Variants in SLC24A2 observed in about 807,000 individuals in gnomAD.
SLC24A2 encodes the protein sodium/potassium/calcium exchanger 2.
SLC24A2 carries 36 observed loss-of-function variants against 62.0 expected under a neutral mutation model. The ratio of observed to expected loss-of-function variants is 0.58; its 90% CI spans 0.44 to 0.77. SLC24A2 has a LOEUF of 0.77. Ranked by LOEUF, SLC24A2 falls within the 30% of genes least tolerant of loss-of-function variation. The pLI is 0.00. For synonymous variants in SLC24A2, 358 were observed against 294.0 expected (o/e 1.22, Z -2.23); for missense variants, 846 against 817.9 (o/e 1.03, Z -0.42).
At chr9:19,726,790 T>C (rs1017627668) in intron 2 of SLC24A2, among the ~76,000 whole-genome samples, 3 of 152,234 alleles carry the variant, frequency 2.0e-5, no homozygotes, top group African/African-American at 4.8e-5. Context: ...CCCTGTAGAA[T>C]TGATCTATCC....
intron 2 of SLC24A2, among the ~76,000 whole-genome samples, chr9:19,718,022 G>A (rs1820910219): frequency 6.7e-6 from 1 of 150,260 alleles, no homozygotes; most frequent in East Asian, 2.0e-4. Flanking sequence ...TGTCGCCCAG[G>A]CTGGAGTGCA....
chr9:19,944,542 G>C, the SLC24A2 span, among the ~76,000 whole-genome samples: 1 of 151,924 alleles, frequency 6.6e-6, no homozygotes, highest in Non-Finnish European at 1.5e-5. Flanking sequence ...ATATAGGTTT[G>C]AAAGAAATTT....
the SLC24A2 span, among the ~76,000 whole-genome samples, chr9:20,177,768 C>A: frequency 6.6e-6 from 1 of 152,116 alleles, no homozygotes; most frequent in Non-Finnish European, 1.5e-5. Flanking sequence ...TGAGAGTTGA[C>A]TATACCACAT....
At chr9:20,249,072 G>T in the SLC24A2 span, among the ~76,000 whole-genome samples, 4 of 152,176 alleles carry the variant, frequency 2.6e-5, no homozygotes, top group African/African-American at 4.8e-5. Context: ...TCTGGAATCA[G>T]CCTGCCTGCC....
chr9:19,956,049 A>T, the SLC24A2 span, among the ~76,000 whole-genome samples: 1 of 152,198 alleles, frequency 6.6e-6, no homozygotes, highest in African/African-American at 2.4e-5. Flanking sequence ...CACATTAAGA[A>T]CTGGCTGCAG....
chr9:19,980,662 A>G, the SLC24A2 span, among the ~76,000 whole-genome samples: 43 of 152,266 alleles, frequency 2.8e-4, no homozygotes, highest in East Asian at 3.7e-3. Context: ...TACTTAATTT[A>G]TGAAAATTAA....
At chr9:19,535,800 T>C (rs988810134) in intron 8 of SLC24A2, among the ~76,000 whole-genome samples, 2 of 152,190 alleles carry the variant, frequency 1.3e-5, no homozygotes, top group African/African-American at 4.8e-5. Flanking sequence ...CTTTGTTCTT[T>C]GCTTAGGATT....
upstream of SLC24A2, among the ~76,000 whole-genome samples, chr9:19,791,267 G>C (rs192505821): frequency 6.6e-6 from 1 of 152,076 alleles, no homozygotes; most frequent in Admixed American, 6.5e-5. Flanking sequence ...AAAGAGTGAA[G>C]GGTGAAAGGC....
At chr9:20,066,366 G>T in the SLC24A2 span, among the ~76,000 whole-genome samples, 2 of 152,134 alleles carry the variant, frequency 1.3e-5, no homozygotes, top group African/African-American at 4.8e-5. Context: ...GCAACAAATA[G>T]CTTTGAGGGA....
At chr9:19,684,757 T>G (rs896287648) in intron 2 of SLC24A2, among the ~76,000 whole-genome samples, 1 of 151,934 alleles carries the variant, frequency 6.6e-6, no homozygotes, top group African/African-American at 2.4e-5. Context: ...CATATCTGGT[T>G]CTTGGTTGGG....
the SLC24A2 span, among the ~76,000 whole-genome samples, chr9:20,228,969 A>C: frequency 6.6e-6 from 1 of 152,082 alleles, no homozygotes; most frequent in South Asian, 2.1e-4. Context: ...CCTGGCAATA[A>C]AGGCCTCTGG....
chr9:19,932,281 C>T, the SLC24A2 span, among the ~76,000 whole-genome samples: 1 of 152,118 alleles, frequency 6.6e-6, no homozygotes, highest in Non-Finnish European at 1.5e-5. Context: ...TGGGAAGGAT[C>T]GTTAAAATTC....
the SLC24A2 span, among the ~76,000 whole-genome samples, chr9:19,818,988 A>G: frequency 3.5e-3 from 534 of 152,248 alleles, 3 homozygotes; most frequent in African/African-American, 0.012. Context: ...TGGTGCTGGT[A>G]TCAAAATAGG....
At chr9:19,693,693 ATTTTGT>A (rs1373392362) in intron 2 of SLC24A2, among the ~76,000 whole-genome samples, 11 of 152,100 alleles carry the variant, frequency 7.2e-5, no homozygotes, top group African/African-American at 2.7e-4. Flanking sequence ...GGTCAGTTTC[ATTTTGT>A]TTTTAAGATG....
the SLC24A2 span, among the ~76,000 whole-genome samples, chr9:20,025,271 A>G: frequency 2.5e-3 from 378 of 152,290 alleles, 1 homozygote; most frequent in African/African-American, 8.5e-3. Flanking sequence ...AAGTATTCTA[A>G]TCACTCTGTA....
the SLC24A2 span, among the ~76,000 whole-genome samples, chr9:20,059,478 A>C: frequency 2.0e-5 from 3 of 152,202 alleles, no homozygotes; most frequent in Non-Finnish European, 4.4e-5. Context: ...GAATAAAACA[A>C]TTAGAAATCA....
At chr9:20,035,525 A>G in the SLC24A2 span, among the ~76,000 whole-genome samples, 2,272 of 152,248 alleles carry the variant, frequency 0.015, 25 homozygotes, top group Non-Finnish European at 0.026. Context: ...AGGCCAAGAA[A>G]GGAGGATTGC....
chr9:19,819,187 C>T, the SLC24A2 span, among the ~76,000 whole-genome samples: 1 of 152,104 alleles, frequency 6.6e-6, no homozygotes, highest in Non-Finnish European at 1.5e-5. Flanking sequence ...TCACCTTATA[C>T]AAAAACCAAC....
intron 2 of SLC24A2, among the ~76,000 whole-genome samples, chr9:19,681,517 T>C (rs2118395406): frequency 6.6e-6 from 1 of 152,238 alleles, no homozygotes; most frequent in African/African-American, 2.4e-5. Flanking sequence ...TCTCTTTTGT[T>C]CCCTGCTGTA....
Sources: gnomAD v4.1 joint callset for allele counts (sites outside exome capture counted in the v4.1 genomes callset) on GRCh38, gnomAD v4.1.1 for gene constraint, MANE v1.5 for transcripts, NCBI Gene and HGNC (gene_info 2026-07-23, HGNC 2026-07-21) for gene names.